Variants in MANF observed in about 807,000 individuals in gnomAD.
The protein encoded by MANF is mesencephalic astrocyte-derived neurotrophic factor.
A neutral mutation model predicts 19.1 loss-of-function variants in MANF; 9 were observed. The ratio of observed to expected loss-of-function variants is 0.47; its 90% CI spans 0.28 to 0.82. The LOEUF is 0.82. MANF is among the 40% of genes least tolerant of loss of function. The probability of loss-of-function intolerance (pLI) is 0.10; values close to 1 mark genes in which losing one functional copy is unlikely to be tolerated. For synonymous variants in MANF, 89 were observed against 88.0 expected, an observed-to-expected ratio of 1.01 and a Z score of -0.06; for missense variants, 225 against 226.7, an observed-to-expected ratio of 0.99 and a Z score of 0.05.
At position 51,389,331 on chromosome 3, in the gene MANF, A is replaced by C. The variant is rs1403543204; in HGVS notation, c.*242A>C. ...TGGGATTTTTTTATTAAAGAAAAAAAATTTCTAGCTGTCCTTGCAGAATTA... is the reference window on the plus strand; with the variant it reads ...TGGGATTTTTTTATTAAAGAAAAAACATTTCTAGCTGTCCTTGCAGAATTA... On this transcript the variant is annotated 3_prime_UTR_variant, in exon 4 of 4. Coordinates refer to ENST00000528157, the MANE Select transcript of MANF (RefSeq NM_006010.6). The C allele has an allele frequency of 2.3e-6, 1 of 442,592 alleles. No homozygotes were observed. Among genetic ancestry groups the C allele is most frequent in the East Asian group, 4.0e-5 (1 of 24,760 alleles). 27.4% of individuals were successfully genotyped at this position (442,592 alleles called of 1,614,324 possible). A position where few individuals can be genotyped will look rare whatever the true frequency, so the allele number is the denominator to read the frequency against.
chr3:51,388,005 C>A, intron 3 of MANF, 127 bp downstream of exon 3: 1 of 890,448 alleles, frequency 1.1e-6, no homozygotes, highest in South Asian at 1.6e-5. Context: ...GTGCTAAATG[C>A]TGGAGGGCTC....
chr3:51,389,167 A>G lies in MANF; in HGVS notation c.*78A>G, dbSNP rs1369660254. 1 of 1,314,764 alleles carries G rather than the reference A, an allele frequency of 7.6e-7. No individual in the cohort carries two copies. Among genetic ancestry groups the G allele is most frequent in the Admixed American group, 2.3e-5 (1 of 42,718 alleles). 81.4% of individuals were successfully genotyped at this position (1,314,764 alleles called of 1,614,324 possible). A position where few individuals can be genotyped will look rare whatever the true frequency, so the allele number is the denominator to read the frequency against. On this transcript the variant is annotated 3_prime_UTR_variant, in exon 4 of 4. Coordinates refer to ENST00000528157, the MANE Select transcript of MANF (RefSeq NM_006010.6). ...TCCCAAAACAGCCTTTTTGTAATTT[A>G]TTTTTTAAGTGGGCTCCTGACAATA... is the stretch of plus-strand genomic sequence containing the variant.
chr3:51,385,307 C>T lies in MANF; in HGVS notation c.-36C>T. 8.4e-7 allele frequency: 1 copy of T among 1,184,026 alleles called. No individual in the cohort carries two copies. The allele number at this position is 1,184,026 out of a possible 1,614,324, so 73.3% of individuals were successfully genotyped here. On this transcript the variant is annotated 5_prime_UTR_variant, in exon 1 of 4. Coordinates refer to ENST00000528157, the MANE Select transcript of MANF (RefSeq NM_006010.6). ...GTGCGGTTCAGTCGGTCGGCGGCGG[C>T]AGCGGAGGAGGAGGAGGAGGAGGAG...
chr3:51,385,422 C>T lies in MANF; in HGVS notation c.80C>T (p.Pro27Leu). 8.1e-7 allele frequency: 1 copy of T among 1,231,950 alleles called. No homozygotes were observed. Among genetic ancestry groups the T allele is most frequent in the Non-Finnish European group, 1.0e-6 (1 of 986,500 alleles). The allele number at this position is 1,231,950 out of a possible 1,614,324, so 76.3% of individuals were successfully genotyped here. The change falls in exon 1 of 4, where the codon CCG becomes CTG. Residue 27 changes from proline (P) to leucine (L), a missense_variant. Coordinates refer to ENST00000528157, the MANE Select transcript of MANF (RefSeq NM_006010.6). ...SVLPGSRALR[P>L]GDCEVCISYL... ...CTGCCGGGCAGCCGGGCGCTGCGGC[C>T]GGGCGACTGCGAAGGTGCGGGATAG...
intron 3 of MANF, 104 bp downstream of exon 3, chr3:51,387,982 T>G (rs920837006): frequency 1.7e-6 from 2 of 1,158,796 alleles, no homozygotes; most frequent in Non-Finnish European, 1.2e-6. Flanking sequence ...TGGGTTGTAT[T>G]GTATGACAGA....
chr3:51,386,426 C>T, intron 2 of MANF, 91 bp downstream of exon 2: 1 of 1,444,768 alleles, frequency 6.9e-7, no homozygotes, highest in Non-Finnish European at 9.6e-7. Flanking sequence ...GCCCACCTCT[C>T]TGTTCAGGAA....
chr3:51,387,609 G>C (rs1270449855), intron 2 of MANF, 128 bp from the exon 3 acceptor site: 2 of 832,332 alleles, frequency 2.4e-6, no homozygotes, highest in African/African-American at 1.7e-5. Flanking sequence ...TCCAGCCTGG[G>C]TGACAGGGAG....
chr3:51,387,123 G>A (rs1559453307), intron 2 of MANF: 1 of 344,678 alleles, frequency 2.9e-6, no homozygotes, highest in Non-Finnish European at 5.8e-6. Context: ...AGGAGTTTGA[G>A]ATCAGCCTGG....
chr3:51,388,860 C>G (rs1432344925), intron 3 of MANF, 45 bp from the exon 4 acceptor site: 2 of 1,427,932 alleles, frequency 1.4e-6, no homozygotes, highest in African/African-American at 2.9e-5. Flanking sequence ...TGGGGGACTG[C>G]AGGTGCTCCA....
chr3:51,385,467 C>G, intron 1 of MANF, 31 bp downstream of exon 1: 1 of 1,004,410 alleles, frequency 1.0e-6, no homozygotes, highest in Non-Finnish European at 1.2e-6. Flanking sequence ...GGCCGCGCTC[C>G]GTGACCGTTC....
At chr3:51,385,542 CGGGGG>C in intron 1 of MANF, 106 bp downstream of exon 1, 1 of 37,868 alleles carries the variant, frequency 2.6e-5, no homozygotes, top group Non-Finnish European at 6.7e-5. Context: ...AGGGCGGGGG[CGGGGG>C]CGGGGGCGAC....
intron 3 of MANF, among the ~76,000 whole-genome samples, chr3:51,388,161 C>CA (rs1280713065): frequency 1.3e-5 from 2 of 152,168 alleles, no homozygotes; most frequent in African/African-American, 4.8e-5. Flanking sequence ...CATGGCAAGT[C>CA]AGAGAGCATT....
At chr3:51,387,384 G>C (rs2088972717) in intron 2 of MANF, among the ~76,000 whole-genome samples, 1 of 152,134 alleles carries the variant, frequency 6.6e-6, no homozygotes, top group Non-Finnish European at 1.5e-5. Context: ...TTGAACCTGG[G>C]AGGCGGAGGT....
At position 51,385,341 on chromosome 3, in the gene MANF, G is replaced by GGAGGAT; in HGVS notation, c.1_2insGGATGA. ...AGGAGGAGGAGGAGGAGGATGAGGA[G>GGAGGAT]GATGAGGAGGATGTGGGCCACGCAG... is the stretch of plus-strand genomic sequence containing the variant. On this transcript the variant is annotated 5_prime_UTR_variant, in exon 1 of 4. It adds an upstream start codon to the 5' untranslated region. Transcript: ENST00000528157. The GGAGGAT allele has an allele frequency of 8.1e-7, 1 of 1,234,456 alleles. No homozygotes were observed. The highest frequency in any genetic ancestry group is 4.0e-5 in the South Asian group (1 of 25,068). The allele number at this position is 1,234,456 out of a possible 1,614,324, so 76.5% of individuals were successfully genotyped here. A position where few individuals can be genotyped will look rare whatever the true frequency, so the allele number is the denominator to read the frequency against.
intron 2 of MANF, chr3:51,386,886 T>A (rs1403073534): frequency 2.2e-6 from 1 of 456,656 alleles, no homozygotes; most frequent in African/African-American, 2.0e-5. Flanking sequence ...TCTGACAGTC[T>A]CTGGCTTTTC....
rs782205288 is a variant in MANF, at chr3:51,387,809, C to G, written c.295C>G (p.His99Asp). 18 of 1,613,364 alleles carry G rather than the reference C, an allele frequency of 1.1e-5. No individual in the cohort carries two copies. Among genetic ancestry groups the G allele is most frequent in the Non-Finnish European group, 1.4e-5 (17 of 1,179,612 alleles). ...TGAGGTATCAAAGCCTCTGGCCCACCACATCCCTGTGGAGAAGATCTGTGA... is the reference window on the plus strand; with the variant it reads ...TGAGGTATCAAAGCCTCTGGCCCACGACATCCCTGTGGAGAAGATCTGTGA... Reference protein sequence around the residue: ...INEVSKPLAHHIPVEKICEKL... With the variant: ...INEVSKPLAHDIPVEKICEKL... Residue 99 changes from histidine to aspartate, a missense_variant, in exon 3 of 4, where the codon CAC becomes GAC. By Grantham distance (81) the His-to-Asp change is moderately conservative (BLOSUM62 -1). Coordinates refer to ENST00000528157, the MANE Select transcript of MANF (RefSeq NM_006010.6).
At chr3:51,386,361 C>T (rs782273055) in intron 2 of MANF, 26 bp downstream of exon 2, 1 of 1,612,778 alleles carries the variant, frequency 6.2e-7, no homozygotes, top group Admixed American at 1.7e-5. Flanking sequence ...TCCTCCCCAA[C>T]TGGCCCTGGC....
intron 1 of MANF, chr3:51,385,962 G>GT: frequency 2.0e-6 from 1 of 508,474 alleles, no homozygotes; most frequent in African/African-American, 1.9e-5. Flanking sequence ...AAGGAGCAGG[G>GT]AGAAGTCGTT....
At chr3:51,387,180 C>T (rs1282091823) in intron 2 of MANF, 7 of 319,882 alleles carry the variant, frequency 2.2e-5, no homozygotes, top group African/African-American at 1.1e-4. Flanking sequence ...TTAGGCTAGG[C>T]GTGGTGGCTC....
Sources: allele counts gnomAD v4.1 joint callset (sites outside exome capture counted in the v4.1 genomes callset), GRCh38; gene constraint gnomAD v4.1.1; transcripts MANE v1.5; gene names NCBI Gene and HGNC (gene_info 2026-07-23, HGNC 2026-07-21).